SKI: variants seen among roughly 807,000 people sequenced by gnomAD.
SKI encodes the protein SKI proto-oncogene.
In SKI, 23 loss-of-function variants were observed where a neutral mutation model predicts 59.3. That is an observed-to-expected ratio of 0.39 (90% CI 0.28 to 0.55). SKI has a LOEUF of 0.55. Among genes scored for constraint, SKI ranks in the 20% least tolerant of loss-of-function variants. The pLI, the probability that SKI is intolerant of heterozygous loss-of-function variation, is 0.67. For synonymous variants in SKI, 673 were observed against 488.6 expected (o/e 1.38, Z -4.98); for missense variants, 1,017 against 1,038.9 (o/e 0.98, Z 0.29).
intron 1 of SKI, among the ~76,000 whole-genome samples, chr1:2,278,447 C>A (rs1032641947): frequency 3.3e-5 from 5 of 152,220 alleles, no homozygotes; most frequent in African/African-American, 1.2e-4. Flanking sequence ...CTACCCAGGT[C>A]CCTTGGGTCT....
intron 1 of SKI, among the ~76,000 whole-genome samples, chr1:2,300,727 C>T (rs769066193): frequency 6.6e-6 from 1 of 152,190 alleles, no homozygotes; most frequent in Admixed American, 6.5e-5. Context: ...GATGAGGGGT[C>T]GGCAGGGGTC....
intron 1 of SKI, among the ~76,000 whole-genome samples, chr1:2,293,545 G>A (rs1441543152): frequency 3.3e-5 from 5 of 152,244 alleles, no homozygotes; most frequent in South Asian, 2.1e-4. Flanking sequence ...TCTGGACTGC[G>A]TTTGGATGAT....
intron 1 of SKI, among the ~76,000 whole-genome samples, chr1:2,240,133 A>G (rs1300657435): frequency 3.3e-5 from 5 of 152,214 alleles, no homozygotes; most frequent in African/African-American, 1.2e-4. Context: ...TGTGGCCCCA[A>G]GGGCTGAGGG....
chr1:2,299,445 T>C (rs1569850673), intron 1 of SKI, among the ~76,000 whole-genome samples: 1 of 152,160 alleles, frequency 6.6e-6, no homozygotes, highest in African/African-American at 2.4e-5. Context: ...GTGGCTCAGG[T>C]GCCTGGGGAC....
intron 1 of SKI, among the ~76,000 whole-genome samples, chr1:2,250,285 T>G (rs1049879225): frequency 6.6e-6 from 1 of 152,170 alleles, no homozygotes; most frequent in Non-Finnish European, 1.5e-5. Context: ...GAGAGTCCCG[T>G]GTGGTGCTGG....
intron 6 of SKI, 117 bp from the exon 7 acceptor site, chr1:2,306,460 C>G (rs1036972045): frequency 1.8e-6 from 2 of 1,139,644 alleles, no homozygotes; most frequent in Non-Finnish European, 2.5e-6. Flanking sequence ...GAGGAGGGGC[C>G]GGCACGCGGC....
intron 1 of SKI, among the ~76,000 whole-genome samples, chr1:2,258,580 A>G (rs986380757): frequency 8.4e-5 from 12 of 142,668 alleles, no homozygotes; most frequent in African/African-American, 2.9e-4. Context: ...TTTGAGTCAG[A>G]GTCTAGGTCT....
In SKI at chr1:2,304,092, CAGGGAGGAATGTACGTGTG is replaced by C; in HGVS notation, c.1467_1474+11del. The C allele has an allele frequency of 6.2e-7, 1 of 1,612,520 alleles. No homozygotes were observed. Among genetic ancestry groups the C allele is most frequent in the Non-Finnish European group, 8.5e-7 (1 of 1,179,884 alleles). ...CGGAGGCGGAGGTGGAAGTTGAAAG[CAGGGAGGAATGTACGTGTG>C]AGTCGCTTTCTGTGCCTCCTCCCTG... On this transcript the variant is annotated splice_donor_variant and splice_donor_5th_base_variant and coding_sequence_variant and intron_variant, in exon 4 of 7. Transcript: ENST00000378536. LOFTEE classifies it high-confidence loss of function.
At chr1:2,305,348 G>A (rs187437429) in intron 5 of SKI, among the ~76,000 whole-genome samples, 30 of 152,286 alleles carry the variant, frequency 2.0e-4, no homozygotes, top group Non-Finnish European at 4.0e-4. Context: ...TTCACACCTC[G>A]GCGGCGTCTG....
chr1:2,235,045 A>G (rs998731148), intron 1 of SKI, among the ~76,000 whole-genome samples: 1 of 135,396 alleles, frequency 7.4e-6, no homozygotes, highest in African/African-American at 2.8e-5. Context: ...TTTTGTTGTT[A>G]TTTTTTTTTT....
At chr1:2,290,738 G>A (rs72643474) in intron 1 of SKI, among the ~76,000 whole-genome samples, 23,306 of 152,184 alleles carry the variant, frequency 0.15, 2,315 homozygotes, top group East Asian at 0.38. Flanking sequence ...CCCAGCTAGC[G>A]CTTGGGTGAG....
At chr1:2,282,962 T>A (rs1414087525) in intron 1 of SKI, among the ~76,000 whole-genome samples, 4 of 152,200 alleles carry the variant, frequency 2.6e-5, no homozygotes, top group Non-Finnish European at 5.9e-5. Flanking sequence ...TGTGTGCACC[T>A]GGCCCGCTTC....
rs1259327915 is a variant in SKI, at chr1:2,309,336, A to T, written c.*2571A>T. The stretch of plus-strand genomic sequence containing the variant: ...CTCATTATATTTCTATACTGAAAGA[A>T]GATTTTTAACGAAGGGAAAAACAAC... On this transcript the variant is annotated 3_prime_UTR_variant, in exon 7 of 7. Transcript: ENST00000378536. 1.3e-5 allele frequency: 2 copies of T among 152,166 alleles called. No homozygotes were observed. Among genetic ancestry groups the T allele is most frequent in the Non-Finnish European group, 2.9e-5 (2 of 68,048 alleles). The allele number at this position is 152,166 out of a possible 1,614,324, so 9.4% of individuals were successfully genotyped here.
chr1:2,303,298 T>C lies in SKI; in HGVS notation c.1109T>C (p.Val370Ala), dbSNP rs138088528. Reference protein sequence around the residue: ...AGSSNKSLGCVHPRQRLSAFR... With the variant: ...AGSSNKSLGCAHPRQRLSAFR... ...CTTTCTCGACAGAGCCTGGGCTGTGTTCACCCTCGCCAGCGCCTCTCTGCT... is the reference window on the plus strand; with the variant it reads ...CTTTCTCGACAGAGCCTGGGCTGTGCTCACCCTCGCCAGCGCCTCTCTGCT... The change falls in exon 3 of 7, where the codon GTT becomes GCT. Residue 370 changes from valine (V) to alanine (A), a missense_variant. Transcript: ENST00000378536. The surrounding 1 kb of genome is among the most constrained non-coding windows in gnomAD (Gnocchi z 5.6). The C allele has an allele frequency of 3.7e-5, 59 of 1,613,542 alleles. No homozygotes were observed. Among genetic ancestry groups the C allele is most frequent in the Non-Finnish European group, 4.8e-5 (57 of 1,180,026 alleles).
chr1:2,301,234 C>T (rs1284220856), intron 1 of SKI, among the ~76,000 whole-genome samples: 1 of 152,252 alleles, frequency 6.6e-6, no homozygotes, highest in Non-Finnish European at 1.5e-5. Context: ...ATAGGCACAG[C>T]ACCCTGCGGT....
chr1:2,251,358 A>T (rs935046466), intron 1 of SKI, among the ~76,000 whole-genome samples: 6 of 151,814 alleles, frequency 4.0e-5, no homozygotes, highest in Non-Finnish European at 8.8e-5. Context: ...CCTGGGCTTG[A>T]GCCATCCTCC....
At position 2,308,185 on chromosome 1, in the gene SKI, C is replaced by G. The variant is rs1640648222; in HGVS notation, c.*1420C>G. On this transcript the variant is annotated 3_prime_UTR_variant, in exon 7 of 7. Transcript: ENST00000378536. ...AAGAAGATCTTACAGGAGTTCTTTG[C>G]TTGAATCCGTTCTAACACCCGCGGC... 6.6e-6 allele frequency: 1 copy of G among 152,202 alleles called. No homozygotes were observed. Among genetic ancestry groups the G allele is most frequent in the African/African-American group, 2.4e-5 (1 of 41,446 alleles). 9.4% of individuals were successfully genotyped at this position (152,202 alleles called of 1,614,324 possible). A position where few individuals can be genotyped will look rare whatever the true frequency, so the allele number is the denominator to read the frequency against.
At chr1:2,283,714 G>C (rs1213593359) in intron 1 of SKI, among the ~76,000 whole-genome samples, 1 of 152,220 alleles carries the variant, frequency 6.6e-6, no homozygotes, top group African/African-American at 2.4e-5. Flanking sequence ...GTGCAGCCCT[G>C]CTGCCCATGG....
At chr1:2,297,678 C>T (rs1012555462) in intron 1 of SKI, among the ~76,000 whole-genome samples, 2 of 152,266 alleles carry the variant, frequency 1.3e-5, no homozygotes, top group Non-Finnish European at 2.9e-5. Context: ...CGCTCACGGA[C>T]TCACCCTGCG....
Sources: allele counts gnomAD v4.1 joint callset (sites outside exome capture counted in the v4.1 genomes callset), GRCh38; gene constraint gnomAD v4.1.1; non-coding constraint Gnocchi (gnomAD v3.1); transcripts MANE v1.5; gene names NCBI Gene and HGNC (gene_info 2026-07-23, HGNC 2026-07-21).